CIT: variants seen among roughly 807,000 people sequenced by gnomAD.
CIT encodes citron Rho-interacting kinase.
Under a neutral mutation model 272.7 loss-of-function variants are expected in CIT, and 79 were observed. That is an observed-to-expected ratio of 0.29 (90% CI 0.24 to 0.35). The LOEUF (loss-of-function observed/expected upper bound fraction) is 0.35. Among genes scored for constraint, CIT ranks in the 10% least tolerant of loss-of-function variants. CIT has a pLI of 1.00. For synonymous variants in CIT, 948 were observed against 995.6 expected, an observed-to-expected ratio of 0.95 and a Z score of 0.90; for missense variants, 1,909 against 2,618.3, an observed-to-expected ratio of 0.73 and a Z score of 5.91.
At chr12:119,777,543 G>A (rs549495914) in intron 13 of CIT, among the ~76,000 whole-genome samples, 2 of 151,292 alleles carry the variant, frequency 1.3e-5, no homozygotes, top group Admixed American at 6.6e-5. Flanking sequence ...GGTGGTGGAC[G>A]CCTGTAATCC....
intron 29 of CIT, among the ~76,000 whole-genome samples, 172 bp from the exon 30 acceptor site, chr12:119,720,757 A>C (rs1366880283): frequency 6.6e-6 from 1 of 152,230 alleles, no homozygotes; most frequent in Non-Finnish European, 1.5e-5. Context: ...AAAGAGAAAA[A>C]AGATATATTT....
intron 17 of CIT, among the ~76,000 whole-genome samples, chr12:119,771,692 G>A (rs1293269949): frequency 6.6e-6 from 1 of 152,186 alleles, no homozygotes; most frequent in Non-Finnish European, 1.5e-5. Flanking sequence ...TGGAAGGAAG[G>A]AGAAGCTGGA....
chr12:119,802,157 G>A (rs1593802195), intron 10 of CIT, among the ~76,000 whole-genome samples: 2 of 152,146 alleles, frequency 1.3e-5, no homozygotes, highest in Non-Finnish European at 2.9e-5. Flanking sequence ...ATCAAATTCT[G>A]CTCGTCTCCT....
intron 3 of CIT, among the ~76,000 whole-genome samples, chr12:119,859,452 CCA>C (rs756927563): frequency 6.6e-6 from 1 of 152,158 alleles, no homozygotes; most frequent in Non-Finnish European, 1.5e-5. Context: ...CCATTTCATA[CCA>C]CAGTCAGTGA....
chr12:119,831,327 T>C (rs1446021272), intron 7 of CIT, among the ~76,000 whole-genome samples: 1 of 152,180 alleles, frequency 6.6e-6, no homozygotes, highest in Non-Finnish European at 1.5e-5. Flanking sequence ...ATTCTTAATG[T>C]AATGATCAAG....
chr12:119,689,315 G>A (rs1955785734), intron 47 of CIT, among the ~76,000 whole-genome samples: 2 of 151,426 alleles, frequency 1.3e-5, no homozygotes, highest in South Asian at 4.2e-4. Flanking sequence ...CCAGGAGTTT[G>A]AGGCTGCCGT....
At chr12:119,721,480 G>A in intron 28 of CIT, 31 bp from the exon 29 acceptor site, 1 of 1,575,100 alleles carries the variant, frequency 6.3e-7, no homozygotes, top group African/African-American at 1.3e-5. Context: ...GGAAATGCTT[G>A]ATACTGCACA....
chr12:119,791,774 C>T (rs1965330906), intron 10 of CIT, among the ~76,000 whole-genome samples: 1 of 152,312 alleles, frequency 6.6e-6, no homozygotes, highest in East Asian at 1.9e-4. Context: ...CTGAAATCAA[C>T]ATCTCTCCCT....
chr12:119,864,613 C>T (rs553656947), intron 3 of CIT, among the ~76,000 whole-genome samples: 3 of 152,308 alleles, frequency 2.0e-5, no homozygotes, highest in African/African-American at 4.8e-5. Context: ...GGATTACAGG[C>T]GTGAGCCACT....
intron 19 of CIT, among the ~76,000 whole-genome samples, chr12:119,764,504 T>G (rs969509259): frequency 2.0e-5 from 3 of 151,534 alleles, no homozygotes; most frequent in South Asian, 2.1e-4. Flanking sequence ...TAGTCCCAGC[T>G]ACTCAGGAGG....
At chr12:119,854,065 T>C (rs1244914473) in intron 4 of CIT, among the ~76,000 whole-genome samples, 1 of 151,820 alleles carries the variant, frequency 6.6e-6, no homozygotes, top group Non-Finnish European at 1.5e-5. Flanking sequence ...TTCGCTCTTG[T>C]TGCCCAGGCT....
At chr12:119,792,531 G>A (rs946240811) in intron 10 of CIT, among the ~76,000 whole-genome samples, 9 of 152,052 alleles carry the variant, frequency 5.9e-5, no homozygotes, top group African/African-American at 2.2e-4. Flanking sequence ...GTGCAGTGGT[G>A]CGATCTCGGC....
intron 8 of CIT, among the ~76,000 whole-genome samples, chr12:119,824,121 T>C (rs1160797727): frequency 1.6e-5 from 1 of 62,018 alleles, no homozygotes; most frequent in Non-Finnish European, 3.0e-5. Flanking sequence ...TATATATATA[T>C]ATATATATAT....
Position 119,704,437 on chromosome 12 carries a change from T to C in CIT, c.5230A>G (p.Ile1744Val), listed in dbSNP as rs757066681. The change falls in exon 41 of 48, where the codon ATC (isoleucine) becomes GTC (valine). Residue 1744 changes from isoleucine (I) to valine (V), a missense_variant. Ile to Val is a conservative substitution (Grantham distance 29, BLOSUM62 3). This residue lies in a region of CIT where 780 missense variants were observed against 1,067.2 expected (regional missense o/e 0.73). Coordinates refer to ENST00000392521, the MANE Select transcript of CIT (RefSeq NM_001206999.2). ...GAGKIENGLC[I>V]CAAMPSKVVI... ...ACTTTGCTGGGCATGGCTGCACAGATGCAGAGCCCGTTCTCAATCTGAAAA... is the reference window on the plus strand; with the variant it reads ...ACTTTGCTGGGCATGGCTGCACAGACGCAGAGCCCGTTCTCAATCTGAAAA... 6.2e-7 allele frequency: 1 copy of C among 1,613,978 alleles called. No individual in the cohort carries two copies. Among genetic ancestry groups the C allele is most frequent in the Admixed American group, 1.7e-5 (1 of 60,012 alleles).
chr12:119,826,886 T>G (rs1293918188), intron 7 of CIT, among the ~76,000 whole-genome samples: 1 of 152,144 alleles, frequency 6.6e-6, no homozygotes. Context: ...GAATGTTTAG[T>G]GAGGACGTGA....
At chr12:119,695,113 T>C (rs74736982) in intron 46 of CIT, among the ~76,000 whole-genome samples, 2,747 of 152,042 alleles carry the variant, frequency 0.018, 88 homozygotes, top group African/African-American at 0.063. Context: ...CCTGCAACAA[T>C]TCAAAGAGTG....
chr12:119,829,596 G>A (rs576704494), intron 7 of CIT, among the ~76,000 whole-genome samples: 1 of 152,290 alleles, frequency 6.6e-6, no homozygotes, highest in African/African-American at 2.4e-5. Context: ...AAATGGGGTT[G>A]ATTATCACTT....
At chr12:119,790,589 C>G (rs1308357088) in intron 10 of CIT, among the ~76,000 whole-genome samples, 1 of 151,966 alleles carries the variant, frequency 6.6e-6, no homozygotes, top group Non-Finnish European at 1.5e-5. Context: ...GAGAGAGACA[C>G]CCAGAGAGGG....
At chr12:119,870,090 A>G (rs937589685) in intron 2 of CIT, among the ~76,000 whole-genome samples, 1 of 152,194 alleles carries the variant, frequency 6.6e-6, no homozygotes, top group Admixed American at 6.5e-5. Context: ...CTCTTCAAAG[A>G]TGGCCTCCAA....
Sources: allele counts gnomAD v4.1 joint callset (sites outside exome capture counted in the v4.1 genomes callset), GRCh38; gene constraint gnomAD v4.1.1; regional missense constraint gnomAD v4.1.1; transcripts MANE v1.5; gene names NCBI Gene and HGNC (gene_info 2026-07-23, HGNC 2026-07-21).